Variants in TMEM232 observed in about 807,000 individuals in gnomAD.
The protein encoded by TMEM232 is transmembrane protein 232.
In TMEM232, 80 loss-of-function variants were observed where a neutral mutation model predicts 78.8. The observed-to-expected ratio is 1.01, with a 90% CI of 0.85 to 1.22. The LOEUF (loss-of-function observed/expected upper bound fraction) is 1.22, where lower values mean the gene tolerates loss of function less well. Ranked by LOEUF, TMEM232 falls within the 50% of genes most tolerant of loss-of-function variation. The pLI, the probability that TMEM232 is intolerant of heterozygous loss-of-function variation, is 0.00. For missense variants in TMEM232, 881 were observed against 742.2 expected, an observed-to-expected ratio of 1.19 and a Z score of -2.17; for synonymous variants, 297 against 254.3, an observed-to-expected ratio of 1.17 and a Z score of -1.60.
At chr5:110,618,608 T>C (rs1244978917) in intron 7 of TMEM232, 46 bp from the exon 8 acceptor site, 3 of 1,491,860 alleles carry the variant, frequency 2.0e-6, no homozygotes, top group African/African-American at 1.4e-5. Flanking sequence ...TAAAAATATA[T>C]GAGAAAGAGT....
chr5:110,716,047 G>A (rs927397145), intron 1 of TMEM232, among the ~76,000 whole-genome samples: 2 of 152,064 alleles, frequency 1.3e-5, no homozygotes, highest in African/African-American at 4.8e-5. Context: ...TCTAGACCAA[G>A]CCAATGTATA....
intron 1 of TMEM232, among the ~76,000 whole-genome samples, chr5:110,680,218 G>A (rs2150178241): frequency 6.6e-6 from 1 of 151,990 alleles, no homozygotes; most frequent in East Asian, 1.9e-4. Flanking sequence ...GACCAACATG[G>A]TGAAACCCCT....
chr5:110,399,245 A>G (rs1755502389), intron 2 of TMEM232, among the ~76,000 whole-genome samples: 1 of 152,118 alleles, frequency 6.6e-6, no homozygotes, highest in Non-Finnish European at 1.5e-5. Flanking sequence ...TGTCAGGAGG[A>G]ATAAAGATAC....
At chr5:110,463,656 T>G (rs1761771704) in intron 12 of TMEM232, among the ~76,000 whole-genome samples, 1 of 152,224 alleles carries the variant, frequency 6.6e-6, no homozygotes. Flanking sequence ...CAATTCTCTC[T>G]ATTGCTGAGT....
chr5:110,408,535 T>C (rs990485807), intron 2 of TMEM232, among the ~76,000 whole-genome samples: 3 of 151,936 alleles, frequency 2.0e-5, no homozygotes, highest in African/African-American at 7.3e-5. Flanking sequence ...GAGGTTGCAG[T>C]GAGCCGAGGC....
intron 10 of TMEM232, among the ~76,000 whole-genome samples, chr5:110,600,343 A>C (rs893114177): frequency 1.3e-5 from 2 of 152,166 alleles, no homozygotes; most frequent in Non-Finnish European, 2.9e-5. Flanking sequence ...GAGACACAAA[A>C]AGTCCTTCAA....
intron 5 of TMEM232, among the ~76,000 whole-genome samples, chr5:110,634,343 G>T (rs532451037): frequency 1.2e-4 from 18 of 152,154 alleles, no homozygotes; most frequent in African/African-American, 3.9e-4. Flanking sequence ...TAGACCAAAT[G>T]GACATTAAAG....
intron 12 of TMEM232, among the ~76,000 whole-genome samples, chr5:110,448,410 A>G (rs1194920779): frequency 6.6e-6 from 1 of 152,074 alleles, no homozygotes; most frequent in East Asian, 1.9e-4. Context: ...ACCCTTTAAG[A>G]GCAACAATCT....
chr5:110,674,204 G>A (rs946228009), intron 1 of TMEM232, among the ~76,000 whole-genome samples: 1 of 151,952 alleles, frequency 6.6e-6, no homozygotes, highest in African/African-American at 2.4e-5. Context: ...ATTTACTGAT[G>A]ACAAAATAAA....
chr5:110,542,309 T>G (rs558586681), intron 11 of TMEM232, among the ~76,000 whole-genome samples: 34 of 152,278 alleles, frequency 2.2e-4, no homozygotes, highest in Non-Finnish European at 4.9e-4. Context: ...TTGTACTAAC[T>G]AAGCAGAATG....
At chr5:110,643,529 A>T (rs549399920) in intron 2 of TMEM232, among the ~76,000 whole-genome samples, 1 of 152,224 alleles carries the variant, frequency 6.6e-6, no homozygotes, top group South Asian at 2.1e-4. Flanking sequence ...TGTACCACAA[A>T]ATTGAAGATG....
chr5:110,581,566 A>C (rs987355561), intron 10 of TMEM232, among the ~76,000 whole-genome samples: 5 of 152,022 alleles, frequency 3.3e-5, no homozygotes, highest in Non-Finnish European at 7.4e-5. Flanking sequence ...TAAAAATCCT[A>C]GAAGAAAACC....
chr5:110,697,707 T>A (rs1239276230), intron 1 of TMEM232, among the ~76,000 whole-genome samples: 1 of 152,196 alleles, frequency 6.6e-6, no homozygotes, highest in African/African-American at 2.4e-5. Flanking sequence ...ATGCTCATCA[T>A]CACTGGCCAT....
chr5:110,671,988 A>G (rs1404196534), intron 1 of TMEM232, among the ~76,000 whole-genome samples: 6 of 152,206 alleles, frequency 3.9e-5, no homozygotes, highest in African/African-American at 1.4e-4. Flanking sequence ...AAATTAGCTT[A>G]AAGCATTTAA....
chr5:110,412,264 C>T (rs1756025171), intron 2 of TMEM232, among the ~76,000 whole-genome samples: 1 of 152,202 alleles, frequency 6.6e-6, no homozygotes, highest in Non-Finnish European at 1.5e-5. Context: ...CCTCTGACAG[C>T]AGGAGATAAT....
intron 2 of TMEM232, among the ~76,000 whole-genome samples, chr5:110,644,474 A>T (rs1030447441): frequency 6.6e-6 from 1 of 151,868 alleles, no homozygotes; most frequent in Non-Finnish European, 1.5e-5. Flanking sequence ...GCTTCCCAAC[A>T]TTACTGCTTC....
intron 10 of TMEM232, among the ~76,000 whole-genome samples, chr5:110,574,494 T>C (rs1200668078): frequency 3.3e-5 from 5 of 152,030 alleles, no homozygotes; most frequent in Admixed American, 1.3e-4. Flanking sequence ...CTGGGGTCTT[T>C]GGGTATGTTA....
rs567193031 is a variant in TMEM232 at position 110,481,121 on chromosome 5, C to A, written c.1703+47467G>T. Among the ~76,000 whole-genome samples the A allele has an allele frequency of 6.5e-3, 991 of 151,952 alleles. 5 individuals carry two copies. The highest frequency in any genetic ancestry group is 0.017 in the Middle Eastern group (5 of 294). On this transcript the variant is annotated intron_variant, in intron 12 of 13. Coordinates refer to ENST00000455884, the MANE Select transcript of TMEM232 (RefSeq NM_001039763.4). ...AGTGATGCTAATAGTCAATCTTAGA[C>A]CTGGTATTTCTAGGCAGAATATAAT...
intron 8 of TMEM232, among the ~76,000 whole-genome samples, chr5:110,615,108 T>G (rs1782763608): frequency 6.6e-6 from 1 of 151,940 alleles, no homozygotes; most frequent in African/African-American, 2.4e-5. Context: ...ATCTAAAGTG[T>G]TTTTAGGGAA....
Sources: allele counts gnomAD v4.1 joint callset (sites outside exome capture counted in the v4.1 genomes callset), GRCh38; gene constraint gnomAD v4.1.1; transcripts MANE v1.5; gene names NCBI Gene and HGNC (gene_info 2026-07-23, HGNC 2026-07-21).